The following NTPCR variants were observed in gnomAD, a reference collection of about 807,000 sequenced individuals.
NTPCR encodes the protein nucleoside-triphosphatase, cancer-related.
NTPCR carries 15 observed loss-of-function variants against 19.5 expected under a neutral mutation model. The observed-to-expected ratio is 0.77, with a 90% CI of 0.51 to 1.18. NTPCR has a LOEUF of 1.18. Among genes scored for constraint, NTPCR ranks in the 50% most tolerant of loss-of-function variants. NTPCR has a pLI of 0.00. For synonymous variants in NTPCR, 90 were observed against 95.8 expected (o/e 0.94, Z 0.36); for missense variants, 206 against 240.4 (o/e 0.86, Z 0.95).
In NTPCR at chr1:232,957,269, G is replaced by A. The variant is rs1216501810; in HGVS notation, c.294+826G>A. Among the ~76,000 whole-genome samples the A allele has an allele frequency of 3.9e-5, 6 of 152,142 alleles. No homozygotes were observed. The South Asian group carries it at 6.2e-4, about 16-fold the overall frequency. On this transcript the variant is annotated intron_variant, in intron 3 of 4. Transcript: ENST00000366628. ...TTTTGGAAGAGTTTGTGAATGATTC[G>A]TATTAATTTTTCTTTGAATAATTGA...
intron 1 of NTPCR, among the ~76,000 whole-genome samples, chr1:232,955,118 G>A (rs777618248): frequency 6.6e-5 from 10 of 151,812 alleles, no homozygotes; most frequent in South Asian, 2.1e-4. Flanking sequence ...GTGTAGGTCC[G>A]TTTGTAATCT....
At chr1:232,965,581 C>G (rs1004633575) in intron 3 of NTPCR, 1 of 152,430 alleles carries the variant, frequency 6.6e-6, no homozygotes, top group Non-Finnish European at 1.5e-5. Context: ...TGAGAGGAGC[C>G]TCCCTTCACA....
chr1:232,983,256 G>A lies in NTPCR; in HGVS notation c.*5025G>A, dbSNP rs997910180. ...CTTTTGAAAAGGGATGGTTCACCAG[G>A]CCAGTGATACTCTATGGACTGCATT... On this transcript the variant is annotated 3_prime_UTR_variant, in exon 5 of 5. Coordinates refer to ENST00000366628, the MANE Select transcript of NTPCR (RefSeq NM_032324.3). 2.6e-5 allele frequency: 4 copies of A among 152,104 alleles called. No individual in the cohort carries two copies. Among genetic ancestry groups the A allele is most frequent in the African/African-American group, 9.7e-5 (4 of 41,398 alleles). 9.4% of individuals were successfully genotyped at this position (152,104 alleles called of 1,614,324 possible).
At chr1:232,960,479 G>A (rs1668640027) in intron 3 of NTPCR, among the ~76,000 whole-genome samples, 1 of 151,814 alleles carries the variant, frequency 6.6e-6, no homozygotes, top group Non-Finnish European at 1.5e-5. Context: ...GAGTAGCTGG[G>A]ATTACAGGTG....
rs1384763624 is a variant in NTPCR at position 232,955,585 on chromosome 1, A to T, written c.63A>T (p.Lys21Asn). 1 of 1,607,868 alleles carries T rather than the reference A, an allele frequency of 6.2e-7. No homozygotes were observed. Among genetic ancestry groups the T allele is most frequent in the African/African-American group, 1.3e-5 (1 of 74,260 alleles). Reference sequence around the variant, plus strand: ...TTGGAAAAACAACATTGATCCATAAAGCCAGTGAGGTTTTAAAATCCTCTG... The same window carrying T: ...TTGGAAAAACAACATTGATCCATAATGCCAGTGAGGTTTTAAAATCCTCTG... The part of the protein sequence containing the change: ...PGVGKTTLIH[K>N]ASEVLKSSGV... The change falls in exon 2 of 5, where the codon AAA becomes AAT. Residue 21 changes from lysine (K) to asparagine (N), a missense_variant. Transcript: ENST00000366628.
At chr1:232,957,121 C>G (rs575960778) in intron 3 of NTPCR, among the ~76,000 whole-genome samples, 1 of 152,162 alleles carries the variant, frequency 6.6e-6, no homozygotes, top group Non-Finnish European at 1.5e-5. Flanking sequence ...TTGAGGATTT[C>G]TGCATCTTTA....
At chr1:232,975,885 A>T (rs985366843) in intron 4 of NTPCR, among the ~76,000 whole-genome samples, 1 of 152,192 alleles carries the variant, frequency 6.6e-6, no homozygotes, top group Non-Finnish European at 1.5e-5. Context: ...TCTGCAACCA[A>T]AATTCTGGCT....
intron 1 of NTPCR, among the ~76,000 whole-genome samples, chr1:232,954,167 G>A (rs1668450384): frequency 6.6e-6 from 1 of 152,196 alleles, no homozygotes; most frequent in South Asian, 2.1e-4. Context: ...TCCTAAAGCA[G>A]TTGTTACTGA....
chr1:232,956,064 G>T (rs1263918379), intron 2 of NTPCR, among the ~76,000 whole-genome samples: 1 of 152,072 alleles, frequency 6.6e-6, no homozygotes, highest in African/African-American at 2.4e-5. Flanking sequence ...CCTGTTTCTG[G>T]TGCCACTTTT....
intron 3 of NTPCR, among the ~76,000 whole-genome samples, chr1:232,958,136 A>G (rs1320391365): frequency 6.6e-6 from 1 of 152,220 alleles, no homozygotes; most frequent in African/African-American, 2.4e-5. Flanking sequence ...TTACAGACTT[A>G]CTACTTTGAT....
intron 3 of NTPCR, among the ~76,000 whole-genome samples, chr1:232,957,987 A>C (rs1668560064): frequency 1.3e-5 from 2 of 152,156 alleles, no homozygotes; most frequent in Admixed American, 1.3e-4. Context: ...AGAATATTCT[A>C]AATGGCAGGA....
chr1:232,982,346 G>A lies in NTPCR; in HGVS notation c.*4115G>A, dbSNP rs932653866. The A allele has an allele frequency of 5.3e-5, 8 of 152,162 alleles. No individual in the cohort carries two copies. The highest frequency in any genetic ancestry group is 2.1e-4 in the South Asian group (1 of 4,818). 9.4% of individuals were successfully genotyped at this position (152,162 alleles called of 1,614,324 possible). Reference sequence around the variant, plus strand: ...TTTCTCTGTGGGTGCAGTTGCCTGCGGATGTGTGTGCACATCTGTGCCTCG... The same window carrying A: ...TTTCTCTGTGGGTGCAGTTGCCTGCAGATGTGTGTGCACATCTGTGCCTCG... On this transcript the variant is annotated 3_prime_UTR_variant, in exon 5 of 5. Transcript: ENST00000366628.
In NTPCR at chr1:232,950,658, G is replaced by T. The variant is rs1668334235; in HGVS notation, c.-53G>T. The T allele has an allele frequency of 6.7e-7, 1 of 1,495,970 alleles. No individual in the cohort carries two copies. Among genetic ancestry groups the T allele is most frequent in the East Asian group, 2.3e-5 (1 of 43,932 alleles). The allele number at this position is 1,495,970 out of a possible 1,614,324, so 92.7% of individuals were successfully genotyped here. A position where few individuals can be genotyped will look rare whatever the true frequency, so the allele number is the denominator to read the frequency against. ...CTGGTCCGGACCTGACCTGAATTGC[G>T]ACCCCAACCTGGACTGCTCCCCTGA... is the stretch of plus-strand genomic sequence containing the variant. On this transcript the variant is annotated 5_prime_UTR_variant, in exon 1 of 5. Transcript: ENST00000366628.
rs759038086 is a variant in NTPCR, at chr1:232,970,121, G to T, written c.504+3G>T. ...GAAAGGATGTGAAGGTGTTTAATGT[G>T]AGTACAGCCAGTCCTCCATAATCAG... On this transcript the variant is annotated splice_donor_region_variant and intron_variant, in intron 4 of 4. Transcript: ENST00000366628. 6.2e-7 allele frequency: 1 copy of T among 1,608,734 alleles called. No individual in the cohort carries two copies. The highest frequency in any genetic ancestry group is 8.5e-7 in the Non-Finnish European group (1 of 1,175,984).
intron 4 of NTPCR, among the ~76,000 whole-genome samples, chr1:232,971,973 G>T (rs946593062): frequency 2.0e-5 from 3 of 152,214 alleles, no homozygotes; most frequent in Non-Finnish European, 4.4e-5. Flanking sequence ...TTCTAGGCTG[G>T]AAGACCGGGA....
In NTPCR at chr1:232,983,561, T is replaced by A. The variant is rs1187860942; in HGVS notation, c.*5330T>A. On this transcript the variant is annotated 3_prime_UTR_variant, in exon 5 of 5. Coordinates refer to ENST00000366628, the MANE Select transcript of NTPCR (RefSeq NM_032324.3). Reference sequence around the variant, plus strand: ...CCGCAGGGTGCTGGCGGCCCACCAATCGCCTGGACTACAGTGAGGAGCATT... The same window carrying A: ...CCGCAGGGTGCTGGCGGCCCACCAAACGCCTGGACTACAGTGAGGAGCATT... 2.0e-5 allele frequency: 3 copies of A among 152,202 alleles called. No individual in the cohort carries two copies. The highest frequency in any genetic ancestry group is 4.4e-5 in the Non-Finnish European group (3 of 68,046). The allele number at this position is 152,202 out of a possible 1,614,324, so 9.4% of individuals were successfully genotyped here.
At chr1:232,960,213 CAAAAAAAA>C (rs755184503) in intron 3 of NTPCR, among the ~76,000 whole-genome samples, 1 of 27,488 alleles carries the variant, frequency 3.6e-5, no homozygotes, top group Admixed American at 4.8e-4. Flanking sequence ...GACTCCATCT[CAAAAAAAA>C]AAAAAAAAAA....
intron 3 of NTPCR, chr1:232,967,096 T>C (rs1668840787): frequency 6.6e-6 from 1 of 152,228 alleles, no homozygotes; most frequent in African/African-American, 2.4e-5. Flanking sequence ...GCCCCTATTG[T>C]TCTAAGTCTG....
chr1:232,983,537 C>G lies in NTPCR; in HGVS notation c.*5306C>G, dbSNP rs977376913. On this transcript the variant is annotated 3_prime_UTR_variant, in exon 5 of 5. Coordinates refer to ENST00000366628, the MANE Select transcript of NTPCR (RefSeq NM_032324.3). ...AACAAGCACGCGTCCCTGTGAAGCCCGCAGGGTGCTGGCGGCCCACCAATC... is the reference window on the plus strand; with the variant it reads ...AACAAGCACGCGTCCCTGTGAAGCCGGCAGGGTGCTGGCGGCCCACCAATC... 6.6e-6 allele frequency: 1 copy of G among 152,210 alleles called. No homozygotes were observed. The highest frequency in any genetic ancestry group is 1.5e-5 in the Non-Finnish European group (1 of 68,058). 9.4% of individuals were successfully genotyped at this position (152,210 alleles called of 1,614,324 possible). A position where few individuals can be genotyped will look rare whatever the true frequency, so the allele number is the denominator to read the frequency against.
Sources: allele counts gnomAD v4.1 joint callset (sites outside exome capture counted in the v4.1 genomes callset), GRCh38; gene constraint gnomAD v4.1.1; transcripts MANE v1.5; gene names NCBI Gene and HGNC (gene_info 2026-07-23, HGNC 2026-07-21).